Variants in DNAH3 observed in about 807,000 individuals in gnomAD.
The protein encoded by DNAH3 is axonemal beta dynein heavy chain 3.
DNAH3 carries 332 observed loss-of-function variants against 432.5 expected under a neutral mutation model. That is an observed-to-expected ratio of 0.77 (90% CI 0.70 to 0.84). The LOEUF is 0.84. DNAH3 is among the 40% of genes least tolerant of loss of function. The pLI, the probability that DNAH3 is intolerant of heterozygous loss-of-function variation, is 0.00. For synonymous variants in DNAH3, 1,956 were observed against 1,900.2 expected (o/e 1.03, Z -0.76); for missense variants, 4,861 against 5,114.0 (o/e 0.95, Z 1.51).
At chr16:21,002,835 G>A (rs956385629) in intron 42 of DNAH3, among the ~76,000 whole-genome samples, 4 of 152,152 alleles carry the variant, frequency 2.6e-5, no homozygotes, top group African/African-American at 7.2e-5. Flanking sequence ...CATGTGCCAT[G>A]TGTTCATGTA....
chr16:21,026,405 C>T (rs1041054298), intron 38 of DNAH3, among the ~76,000 whole-genome samples: 1 of 151,986 alleles, frequency 6.6e-6, no homozygotes, highest in Admixed American at 6.6e-5. Context: ...CACATGGACA[C>T]AAAGAAGGGA....
exon 53 of DNAH3, chr16:20,964,542 C>G: frequency 6.2e-7 from 1 of 1,614,210 alleles, no homozygotes; most frequent in South Asian, 1.1e-5. Flanking sequence ...CGTTTTCCAG[C>G]ATCCTCATGT....
In DNAH3 at chr16:20,985,791, G is replaced by A. The variant is rs1004284591; in HGVS notation, c.7027-76C>T. On this transcript the variant is annotated intron_variant, in intron 47 of 61. Transcript: ENST00000261383. ...GCTGGTAGGGACATCATGGAGGGAGGGCATGGGAGACGTGGCTTATTTCCT... is the reference window on the plus strand; with the variant it reads ...GCTGGTAGGGACATCATGGAGGGAGAGCATGGGAGACGTGGCTTATTTCCT... 1.7e-5 allele frequency: 25 copies of A among 1,447,052 alleles called. No homozygotes were observed. In the Admixed American group the frequency reaches 3.4e-4, roughly 20 times the overall value. The allele number at this position is 1,447,052 out of a possible 1,614,324, so 89.6% of individuals were successfully genotyped here.
Position 21,141,383 on chromosome 16 carries a change from G to A in DNAH3, c.449-11C>T. On this transcript the variant is annotated splice_polypyrimidine_tract_variant and intron_variant, in intron 3 of 61. Transcript: ENST00000261383. ...ATGAGCTTCTATTTCCTGGAAGAAT[G>A]GAGAAGAAAGACATCAGTGATGGGC... is the stretch of plus-strand genomic sequence containing the variant. 6.3e-7 allele frequency: 1 copy of A among 1,578,638 alleles called. No individual in the cohort carries two copies.
intron 44 of DNAH3, 114 bp downstream of exon 44, chr16:20,997,169 C>T (rs1461747444): frequency 6.0e-6 from 6 of 996,054 alleles, no homozygotes; most frequent in South Asian, 3.1e-5. Context: ...GCTCCATGCT[C>T]CTGCCACGTG....
chr16:20,967,492 CTTTT>C (rs756357963), intron 52 of DNAH3, among the ~76,000 whole-genome samples: 41 of 52,800 alleles, frequency 7.8e-4, no homozygotes, highest in South Asian at 5.2e-3. Flanking sequence ...CAGACTTCTG[CTTTT>C]TTTTTTTTTT....
In DNAH3 at chr16:21,021,935, C is replaced by T. The variant is rs759113445; in HGVS notation, c.5776+36G>A. 3 of 1,609,436 alleles carry T rather than the reference C, an allele frequency of 1.9e-6. No homozygotes were observed. The East Asian group carries it at 6.7e-5, about 36-fold the overall frequency. On this transcript the variant is annotated intron_variant, in intron 40 of 61. Transcript: ENST00000261383. ...AAAGAAATAGCCAAGGTAGACCCAC[C>T]CCCCATGTGGCTTAAGAATCATGGC...
At chr16:21,138,443 GTT>G (rs2092673704) in intron 5 of DNAH3, among the ~76,000 whole-genome samples, 1 of 152,150 alleles carries the variant, frequency 6.6e-6, no homozygotes, top group Non-Finnish European at 1.5e-5. Flanking sequence ...TCCTCAGGCA[GTT>G]AGGGTGTTTA....
chr16:20,945,052 A>C (rs956966992), intron 57 of DNAH3, among the ~76,000 whole-genome samples: 7 of 152,150 alleles, frequency 4.6e-5, no homozygotes, highest in African/African-American at 1.7e-4. Context: ...AGTGGGCTGC[A>C]TTCTTAGGAG....
At chr16:20,963,745 C>T (rs1416901705) in exon 53 of DNAH3, 3 of 1,613,834 alleles carry the variant, frequency 1.9e-6, no homozygotes, top group Non-Finnish European at 1.7e-6. Context: ...TTTCATGATG[C>T]CGATGGTCAG....
chr16:21,103,359 G>GGC (rs2091881466), intron 16 of DNAH3, among the ~76,000 whole-genome samples: 3 of 149,524 alleles, frequency 2.0e-5, no homozygotes, highest in Admixed American at 2.0e-4. Context: ...GTGTGTGGGG[G>GGC]GGGGCAGGGT....
chr16:21,067,303 C>A (rs1347114078), exon 24 of DNAH3: 1 of 1,613,976 alleles, frequency 6.2e-7, no homozygotes, highest in African/African-American at 1.3e-5. Flanking sequence ...ATAGTCTCTT[C>A]TTCTCCAAGT....
At chr16:20,944,557 A>C (rs544151244) in exon 58 of DNAH3, 2 of 1,614,126 alleles carry the variant, frequency 1.2e-6, no homozygotes, top group Non-Finnish European at 1.7e-6. Flanking sequence ...CCCCTCAAAC[A>C]GCTGGTTGGT....
intron 24 of DNAH3, among the ~76,000 whole-genome samples, chr16:21,063,483 T>A (rs186953976): frequency 5.4e-5 from 8 of 149,522 alleles, no homozygotes; most frequent in Non-Finnish European, 1.2e-4. Context: ...TTTATTTTTT[T>A]ATTTTATTTT....
chr16:21,100,795 C>T (rs1341166497), intron 16 of DNAH3, among the ~76,000 whole-genome samples: 2 of 152,128 alleles, frequency 1.3e-5, no homozygotes, highest in Non-Finnish European at 2.9e-5. Context: ...TGCTAAGTGC[C>T]TTTTCACATC....
chr16:21,144,328 C>G (rs1482588417), intron 3 of DNAH3, among the ~76,000 whole-genome samples: 1 of 152,190 alleles, frequency 6.6e-6, no homozygotes, highest in Non-Finnish European at 1.5e-5. Context: ...TGCTGGCTCT[C>G]TCTCTTTCTC....
chr16:21,121,450 T>C (rs1204013601), intron 10 of DNAH3, among the ~76,000 whole-genome samples: 10 of 152,080 alleles, frequency 6.6e-5, no homozygotes, highest in Admixed American at 6.6e-4. Context: ...CAAACTGAAA[T>C]TGAAAAAAAG....
Position 21,125,073 on chromosome 16 carries a change from T to C in DNAH3, c.1404+102A>G, listed in dbSNP as rs1426001524. 3 of 915,504 alleles carry C rather than the reference T, an allele frequency of 3.3e-6. No individual in the cohort carries two copies. In the East Asian group the frequency reaches 8.0e-5, roughly 25 times the overall value. 56.7% of individuals were successfully genotyped at this position (915,504 alleles called of 1,614,324 possible). ...GGTGGAAGTCAAGCATTTCACTTTG[T>C]GCCCTGGCTCACAGCTGAGGACGTA... On this transcript the variant is annotated intron_variant, in intron 9 of 61. Transcript: ENST00000261383.
intron 55 of DNAH3, 37 bp downstream of exon 55, chr16:20,954,776 T>C (rs1018872495): frequency 6.2e-7 from 1 of 1,604,018 alleles, no homozygotes; most frequent in African/African-American, 1.3e-5. Flanking sequence ...CTGATATCCT[T>C]TCCCTCAGGC....
Sources: gnomAD v4.1 joint callset for allele counts (sites outside exome capture counted in the v4.1 genomes callset) on GRCh38, gnomAD v4.1.1 for gene constraint, MANE v1.5 for transcripts, NCBI Gene and HGNC (gene_info 2026-07-23, HGNC 2026-07-21) for gene names.